The following SRP54 variants were observed in gnomAD, a reference collection of about 807,000 sequenced individuals.
SRP54 encodes the protein signal recognition particle subunit SRP54.
A neutral mutation model predicts 64.8 loss-of-function variants in SRP54; 10 were observed. That is an observed-to-expected ratio of 0.15 (90% CI 0.10 to 0.26). The LOEUF (loss-of-function observed/expected upper bound fraction) is 0.26, where lower values mean the gene tolerates loss of function less well. Among genes scored for constraint, SRP54 ranks in the 10% least tolerant of loss-of-function variants. The probability of loss-of-function intolerance (pLI) is 1.00; values close to 1 mark genes in which losing one functional copy is unlikely to be tolerated. For synonymous variants in SRP54, 193 were observed against 185.6 expected, an observed-to-expected ratio of 1.04 and a Z score of -0.32; for missense variants, 325 against 613.7, an observed-to-expected ratio of 0.53 and a Z score of 4.97.
In SRP54 at chr14:35,013,483, T is replaced by G. The variant is rs770051913; in HGVS notation, c.774T>G (p.Gly258=). The change falls in exon 9 of 16, where the codon GGT becomes GGG. Residue 258 remains glycine (G), a synonymous_variant. Coordinates refer to ENST00000216774, the MANE Select transcript of SRP54 (RefSeq NM_003136.4). ...TTGATGGCCATGCAAAAGGAGGTGG[T>G]GCACTCAGTGCGTAAGTATCATTGA... is the stretch of plus-strand genomic sequence containing the variant. ...TKLDGHAKGG[G]ALSAVAATKS... is the part of the protein sequence containing the mutation. 3 of 1,614,086 alleles carry G rather than the reference T, an allele frequency of 1.9e-6. No homozygotes were observed. The highest frequency in any genetic ancestry group is 1.7e-6 in the Non-Finnish European group (2 of 1,179,984).
chr14:34,988,990 T>C (rs896915443), intron 1 of SRP54, among the ~76,000 whole-genome samples: 4 of 152,154 alleles, frequency 2.6e-5, no homozygotes, highest in African/African-American at 7.2e-5. Context: ...ATACTTGTTA[T>C]ACTGTATTGT....
chr14:35,022,616 A>G (rs776739872), intron 13 of SRP54, among the ~76,000 whole-genome samples: 1 of 152,104 alleles, frequency 6.6e-6, no homozygotes, highest in Non-Finnish European at 1.5e-5. Context: ...CGGCCTCACA[A>G]AGTGTTGTGA....
intron 4 of SRP54, among the ~76,000 whole-genome samples, chr14:35,005,871 GCT>G (rs1388231518): frequency 6.6e-6 from 1 of 150,616 alleles, no homozygotes; most frequent in Non-Finnish European, 1.5e-5. Flanking sequence ...ATGGAGTCTC[GCT>G]CTGTCACCCA....
At position 35,018,795 on chromosome 14, in the gene SRP54, T is replaced by G. The variant is rs374356221; in HGVS notation, c.1047+30T>G. On this transcript the variant is annotated intron_variant, in intron 12 of 15. Transcript: ENST00000216774. The stretch of plus-strand genomic sequence containing the variant: ...GTTATCCTTAAAACTTTATACCTTC[T>G]TTTGTTTTCATTAAATTTTCTAAAA... 1.3e-5 allele frequency: 20 copies of G among 1,576,834 alleles called. No homozygotes were observed. The African/African-American group carries it at 2.7e-4, about 22-fold the overall frequency.
chr14:34,986,540 T>C (rs1481441890), intron 1 of SRP54, among the ~76,000 whole-genome samples: 1 of 152,106 alleles, frequency 6.6e-6, no homozygotes, highest in Non-Finnish European at 1.5e-5. Flanking sequence ...TAAAAAATAG[T>C]GTTCTCAGTC....
At chr14:35,020,736 A>G (rs1324325138) in intron 13 of SRP54, among the ~76,000 whole-genome samples, 1 of 152,184 alleles carries the variant, frequency 6.6e-6, no homozygotes, top group African/African-American at 2.4e-5. Flanking sequence ...CAGCATATCT[A>G]AAGTATCCAT....
chr14:35,011,503 A>T lies in SRP54; in HGVS notation c.486-6A>T. 1 of 1,465,504 alleles carries T rather than the reference A, an allele frequency of 6.8e-7. No individual in the cohort carries two copies. The highest frequency in any genetic ancestry group is 9.1e-7 in the Non-Finnish European group (1 of 1,094,626). 90.8% of individuals were successfully genotyped at this position (1,465,504 alleles called of 1,614,324 possible). On this transcript the variant is annotated splice_polypyrimidine_tract_variant and splice_region_variant and intron_variant, in intron 7 of 15. Transcript: ENST00000216774. ...TTTTGTTAAATCATTTGTCCATGTT[A>T]TATAGCTATACAGAAATGGATCCTG...
intron 14 of SRP54, among the ~76,000 whole-genome samples, chr14:35,024,430 A>G (rs976809010): frequency 6.6e-6 from 1 of 152,094 alleles, no homozygotes; most frequent in Non-Finnish European, 1.5e-5. Flanking sequence ...TACTTTGTGA[A>G]TCACCTCTTC....
intron 14 of SRP54, among the ~76,000 whole-genome samples, chr14:35,026,753 G>C (rs761369088): frequency 7.2e-5 from 11 of 152,106 alleles, no homozygotes; most frequent in Non-Finnish European, 1.3e-4. Flanking sequence ...AACCATCCTG[G>C]CCAAAATGGT....
chr14:35,001,047 G>T, intron 4 of SRP54, 27 bp downstream of exon 4: 2 of 1,259,732 alleles, frequency 1.6e-6, no homozygotes, highest in South Asian at 2.8e-5. Flanking sequence ...ATTATGCTGT[G>T]ATTCTATACT....
chr14:35,011,696 T>G (rs2139004554), intron 8 of SRP54, 37 bp downstream of exon 8: 1 of 1,429,884 alleles, frequency 7.0e-7, no homozygotes, highest in Admixed American at 2.3e-5. Flanking sequence ...TATTAGGACT[T>G]TGGTTAATTT....
At chr14:35,003,124 G>T (rs2044203695) in intron 4 of SRP54, among the ~76,000 whole-genome samples, 1 of 152,134 alleles carries the variant, frequency 6.6e-6, no homozygotes, top group Non-Finnish European at 1.5e-5. Flanking sequence ...CATTTATTGA[G>T]TACCTACTTT....
At chr14:35,023,647 C>T (rs1455120003) in intron 14 of SRP54, among the ~76,000 whole-genome samples, 4 of 151,660 alleles carry the variant, frequency 2.6e-5, no homozygotes, top group Non-Finnish European at 4.4e-5. Context: ...ATCCGGGTGT[C>T]GTGGGGTGTA....
intron 4 of SRP54, among the ~76,000 whole-genome samples, chr14:35,002,599 A>AT (rs1203015966): frequency 1.4e-5 from 2 of 138,576 alleles, no homozygotes; most frequent in African/African-American, 2.7e-5. Context: ...CGCCCAGCTA[A>AT]TTTTTTTTTG....
chr14:34,987,057 C>T (rs2043906166), intron 1 of SRP54, among the ~76,000 whole-genome samples: 1 of 151,072 alleles, frequency 6.6e-6, no homozygotes, highest in Non-Finnish European at 1.5e-5. Flanking sequence ...AAGGTGAAAC[C>T]CCATCTCTAC....
chr14:34,986,583 T>C (rs527350946), intron 1 of SRP54, among the ~76,000 whole-genome samples: 17 of 152,186 alleles, frequency 1.1e-4, no homozygotes, highest in African/African-American at 3.6e-4. Flanking sequence ...GAAAAAGATA[T>C]AAGAAAATAA....
chr14:34,998,536 G>A (rs991028587), intron 2 of SRP54, among the ~76,000 whole-genome samples: 3 of 152,076 alleles, frequency 2.0e-5, no homozygotes, highest in Non-Finnish European at 2.9e-5. Flanking sequence ...ATTAAGCCGG[G>A]TGTGGTAGCT....
intron 13 of SRP54, among the ~76,000 whole-genome samples, chr14:35,022,460 G>A (rs570300842): frequency 2.3e-4 from 35 of 151,992 alleles, no homozygotes; most frequent in Admixed American, 7.9e-4. Flanking sequence ...AGGTTCAAGC[G>A]ATTCTTCTGC....
intron 7 of SRP54, 72 bp downstream of exon 7, chr14:35,008,903 T>C: frequency 8.4e-7 from 1 of 1,189,364 alleles, no homozygotes; most frequent in African/African-American, 1.6e-5. Flanking sequence ...TTTTTTTTTT[T>C]TGAGACGGAG....
Sources: gnomAD v4.1 joint callset for allele counts (sites outside exome capture counted in the v4.1 genomes callset) on GRCh38, gnomAD v4.1.1 for gene constraint, MANE v1.5 for transcripts, NCBI Gene and HGNC (gene_info 2026-07-23, HGNC 2026-07-21) for gene names.